ATP1A2: variants seen among roughly 807,000 people sequenced by gnomAD.
ATP1A2 encodes the protein sodium/potassium-transporting ATPase subunit alpha-2.
Under a neutral mutation model 113.1 loss-of-function variants are expected in ATP1A2, and 56 were observed. The ratio of observed to expected loss-of-function variants is 0.49; its 90% CI spans 0.40 to 0.62. ATP1A2 has a LOEUF of 0.62. Among genes scored for constraint, ATP1A2 ranks in the 20% least tolerant of loss-of-function variants. The probability of loss-of-function intolerance (pLI) is 0.00; values close to 1 mark genes in which losing one functional copy is unlikely to be tolerated. For missense variants in ATP1A2, 712 were observed against 1,357.8 expected (o/e 0.52, Z 7.47); for synonymous variants, 490 against 526.8 (o/e 0.93, Z 0.96).
chr1:160,119,028 T>G (rs1304322204), intron 1 of ATP1A2, among the ~76,000 whole-genome samples: 11 of 151,692 alleles, frequency 7.3e-5, no homozygotes, highest in African/African-American at 1.2e-4. Flanking sequence ...AAACTTAAAC[T>G]ATGGGCTTTG....
chr1:160,133,269 GAC>G (rs2101992935), intron 13 of ATP1A2, among the ~76,000 whole-genome samples: 1 of 152,220 alleles, frequency 6.6e-6, no homozygotes, highest in East Asian at 1.9e-4. Flanking sequence ...GTAGGATGAG[GAC>G]GGCAAAGACA....
Position 160,115,869 on chromosome 1 carries a change from G to C in ATP1A2, c.8G>C (p.Arg3Pro). ...CAGCCACTCTGCCCCAAGATGGGCC[G>C]TGGGGTGAGTATCCCTAAAGAGCAG... MGRGAGREYSPAA... is the reference protein window; with the variant it reads MGPGAGREYSPAA... The change falls in exon 1 of 23, where the codon CGT (arginine) becomes CCT (proline). Residue 3 changes from arginine (R) to proline (P), a missense_variant. Arg to Pro is a moderately radical substitution (Grantham distance 103). Transcript: ENST00000361216. The C allele has an allele frequency of 6.2e-7, 1 of 1,601,112 alleles. No individual in the cohort carries two copies. Among genetic ancestry groups the C allele is most frequent in the East Asian group, 2.2e-5 (1 of 44,522 alleles).
At position 160,135,985 on chromosome 1, in the gene ATP1A2, A is replaced by T. The variant is rs1651923523; in HGVS notation, c.2431A>T (p.Thr811Ser). 2 of 1,613,898 alleles carry T rather than the reference A, an allele frequency of 1.2e-6. No individual in the cohort carries two copies. Among genetic ancestry groups the T allele is most frequent in the Non-Finnish European group, 1.7e-6 (2 of 1,180,004 alleles). ...TVTILCIDLG[T>S]DMVPAISLAY... is the part of the protein sequence containing the mutation. ...GACCATCCTTTGCATTGACCTGGGC[A>T]CAGATATGGTGAGCGCAGGAGGTGG... The change falls in exon 17 of 23, where the codon ACA becomes TCA. Residue 811 changes from threonine to serine, a missense_variant. Around this residue, in one of 6 missense-constraint regions of ATP1A2, gnomAD observed 188 missense variants for 438.9 expected, o/e 0.43. Transcript: ENST00000361216. This position sits in a 1 kb window ranked among gnomAD's most constrained non-coding sequence, Gnocchi z 6.3.
chr1:160,121,775 C>T (rs1651408535), intron 3 of ATP1A2, among the ~76,000 whole-genome samples: 1 of 152,252 alleles, frequency 6.6e-6, no homozygotes, highest in South Asian at 2.1e-4. Flanking sequence ...CCCAAGGTCA[C>T]ATGAACAGTA....
intron 13 of ATP1A2, among the ~76,000 whole-genome samples, 158 bp from the exon 14 acceptor site, chr1:160,134,326 C>T (rs1651867493): frequency 6.6e-6 from 1 of 151,990 alleles, no homozygotes. Flanking sequence ...CCCAGCCACT[C>T]CCCTGCCCAC....
chr1:160,117,753 A>G (rs1220645728), intron 1 of ATP1A2, among the ~76,000 whole-genome samples: 1 of 151,880 alleles, frequency 6.6e-6, no homozygotes, highest in African/African-American at 2.4e-5. Flanking sequence ...GCAGCGTGGG[A>G]GTTGGGGGAA....
chr1:160,138,024 G>T (rs1308858894), intron 20 of ATP1A2, among the ~76,000 whole-genome samples: 1 of 152,186 alleles, frequency 6.6e-6, no homozygotes, highest in Non-Finnish European at 1.5e-5. Flanking sequence ...TAATTCTGGG[G>T]CCTGGGACTT....
At chr1:160,129,946 G>T (rs1284634825) in intron 11 of ATP1A2, among the ~76,000 whole-genome samples, 156 bp from the exon 12 acceptor site, 1 of 152,172 alleles carries the variant, frequency 6.6e-6, no homozygotes, top group Non-Finnish European at 1.5e-5. Flanking sequence ...GAACTGTGAG[G>T]TCTAAACACC....
At chr1:160,121,617 T>C (rs1223756440) in intron 3 of ATP1A2, among the ~76,000 whole-genome samples, 4 of 152,204 alleles carry the variant, frequency 2.6e-5, no homozygotes, top group Non-Finnish European at 5.9e-5. Flanking sequence ...ATTCCTGTGG[T>C]TACAGTGATT....
At chr1:160,132,682 G>A (rs2101992448) in intron 13 of ATP1A2, among the ~76,000 whole-genome samples, 1 of 152,188 alleles carries the variant, frequency 6.6e-6, no homozygotes, top group South Asian at 2.1e-4. Context: ...GTTCAATGTT[G>A]ACCTTAAGCT....
intron 13 of ATP1A2, among the ~76,000 whole-genome samples, chr1:160,132,487 G>A (rs1651804248): frequency 6.6e-6 from 1 of 152,188 alleles, no homozygotes; most frequent in South Asian, 2.1e-4. Flanking sequence ...CTGAACTAGG[G>A]CAGAAACAAA....
chr1:160,128,150 C>G (rs1395009298), intron 8 of ATP1A2, among the ~76,000 whole-genome samples: 2 of 152,146 alleles, frequency 1.3e-5, no homozygotes, highest in African/African-American at 4.8e-5. Flanking sequence ...AATCCAGGGA[C>G]CTTTTCTCAG....
chr1:160,128,650 A>T lies in ATP1A2; in HGVS notation c.1018-2A>T. 2 of 1,614,124 alleles carry T rather than the reference A, an allele frequency of 1.2e-6. No individual in the cohort carries two copies. The highest frequency in any genetic ancestry group is 8.5e-7 in the Non-Finnish European group (1 of 1,180,026). On this transcript the variant is annotated splice_acceptor_variant, in intron 8 of 22. Coordinates refer to ENST00000361216, the MANE Select transcript of ATP1A2 (RefSeq NM_000702.4). LOFTEE classifies it high-confidence loss of function. ...TTTTTTATTCTCCTCTTTCTCTACC[A>T]GGTGTGCCTGACCCTGACAGCCAAG...
In ATP1A2 at chr1:160,134,476, C is replaced by T. The variant is rs745307423; in HGVS notation, c.1828-8C>T. The T allele has an allele frequency of 2.5e-6, 4 of 1,614,212 alleles. No individual in the cohort carries two copies. The highest frequency in any genetic ancestry group is 2.5e-6 in the Non-Finnish European group (3 of 1,180,030). On this transcript the variant is annotated splice_region_variant and splice_polypyrimidine_tract_variant and intron_variant, in intron 13 of 22. Coordinates refer to ENST00000361216, the MANE Select transcript of ATP1A2 (RefSeq NM_000702.4). The stretch of plus-strand genomic sequence containing the variant: ...TACTTTCCTGTTGTCTCCTCTCCTT[C>T]CCACTAGGTGATCATGGTAACCGGG...
In ATP1A2 at chr1:160,123,404, A is replaced by G; in HGVS notation, c.369A>G (p.Pro123=). 1 of 1,614,148 alleles carries G rather than the reference A, an allele frequency of 6.2e-7. No individual in the cohort carries two copies. Among genetic ancestry groups the G allele is most frequent in the Non-Finnish European group, 8.5e-7 (1 of 1,180,010 alleles). The change falls in exon 4 of 23, where the codon CCA becomes CCG. Residue 123 remains proline (P), a synonymous_variant. Transcript: ENST00000361216. ...YGIQAAMEDE[P]SNDNLYLGVV... is the part of the protein sequence containing the mutation. Reference sequence around the variant, plus strand: ...TCCAGGCTGCCATGGAGGATGAACCATCCAACGACAATGTGAGCCCACACG... The same window carrying G: ...TCCAGGCTGCCATGGAGGATGAACCGTCCAACGACAATGTGAGCCCACACG...
chr1:160,141,794 C>T lies in ATP1A2; in HGVS notation c.*472C>T, dbSNP rs957967157. ...CTCTATCCCTGGCTTCCCCTTCAGA[C>T]CTTGCAATCACAAAAGGTTCTTCTG... On this transcript the variant is annotated 3_prime_UTR_variant, in exon 23 of 23. Transcript: ENST00000361216. The T allele has an allele frequency of 2.9e-5, 6 of 203,646 alleles. No homozygotes were observed. The highest frequency in any genetic ancestry group is 1.5e-4 in the Admixed American group (3 of 19,686). 12.6% of individuals were successfully genotyped at this position (203,646 alleles called of 1,614,324 possible).
At chr1:160,124,576 G>C in intron 6 of ATP1A2, 146 bp downstream of exon 6, 2 of 1,277,750 alleles carry the variant, frequency 1.6e-6, no homozygotes, top group South Asian at 1.3e-5. Context: ...CCTTCTCTCA[G>C]TGTGGGGTGC....
At position 160,136,008 on chromosome 1, in the gene ATP1A2, T is replaced by C; in HGVS notation, c.2439+15T>C. The C allele has an allele frequency of 6.2e-7, 1 of 1,612,878 alleles. No homozygotes were observed. Among genetic ancestry groups the C allele is most frequent in the Non-Finnish European group, 8.5e-7 (1 of 1,179,764 alleles). On this transcript the variant is annotated intron_variant, in intron 17 of 22. Coordinates refer to ENST00000361216, the MANE Select transcript of ATP1A2 (RefSeq NM_000702.4). ...GCACAGATATGGTGAGCGCAGGAGGTGGAGGAGGGGACAGGCAAGGCAATC... is the reference window on the plus strand; with the variant it reads ...GCACAGATATGGTGAGCGCAGGAGGCGGAGGAGGGGACAGGCAAGGCAATC...
At position 160,127,537 on chromosome 1, in the gene ATP1A2, C is replaced by T. The variant is rs1193155932; in HGVS notation, c.749-15C>T. The stretch of plus-strand genomic sequence containing the variant: ...AGCCACAAGGCACCCAACCTGATGC[C>T]CCACCATGTTGCAGGCACTGCCAGG... On this transcript the variant is annotated splice_polypyrimidine_tract_variant and intron_variant, in intron 7 of 22. Coordinates refer to ENST00000361216, the MANE Select transcript of ATP1A2 (RefSeq NM_000702.4). 1.9e-6 allele frequency: 3 copies of T among 1,614,084 alleles called. No homozygotes were observed. Among genetic ancestry groups the T allele is most frequent in the Admixed American group, 3.3e-5 (2 of 60,030 alleles).
Sources: gnomAD v4.1 joint callset for allele counts (sites outside exome capture counted in the v4.1 genomes callset) on GRCh38, gnomAD v4.1.1 for gene constraint, gnomAD v4.1.1 regional missense constraint, Gnocchi (gnomAD v3.1) non-coding constraint, MANE v1.5 for transcripts, NCBI Gene and HGNC (gene_info 2026-07-23, HGNC 2026-07-21) for gene names.